NUP210L: variants seen among roughly 807,000 people sequenced by gnomAD.
The protein encoded by NUP210L is nucleoporin 210 like.
A neutral mutation model predicts 208.5 loss-of-function variants in NUP210L; 74 were observed. The observed-to-expected ratio is 0.35, with a 90% CI of 0.29 to 0.43. The LOEUF (loss-of-function observed/expected upper bound fraction) is 0.43, where lower values mean the gene tolerates loss of function less well. NUP210L is among the 20% of genes least tolerant of loss of function. NUP210L has a pLI of 1.00. For missense variants in NUP210L, 1,843 were observed against 2,289.4 expected (o/e 0.81, Z 3.98); for synonymous variants, 780 against 816.9 (o/e 0.95, Z 0.77).
rs747300932 is a variant in NUP210L, at chr1:154,139,839, G to A, written c.680C>T (p.Ala227Val). The change falls in exon 5 of 40, where the codon GCT becomes GTT. Residue 227 changes from alanine (A) to valine (V), a missense_variant. Ala to Val is a moderately conservative substitution (Grantham distance 64). Coordinates refer to ENST00000368559, the Ensembl canonical transcript of NUP210L. Reference sequence around the variant, plus strand: ...TTCATGAATTCGAACTTTTACAACAGCAGCACCAGTTCTAATCCCAGACAC... The same window carrying A: ...TTCATGAATTCGAACTTTTACAACAACAGCACCAGTTCTAATCCCAGACAC... 7 of 1,613,688 alleles carry A rather than the reference G, an allele frequency of 4.3e-6. No individual in the cohort carries two copies. The Admixed American group carries it at 1.0e-4, about 23-fold the overall frequency.
intron 16 of NUP210L, among the ~76,000 whole-genome samples, chr1:154,073,737 C>T (rs1216382740): frequency 6.6e-6 from 1 of 151,592 alleles, no homozygotes; most frequent in Non-Finnish European, 1.5e-5. Context: ...ATCGCTTGAA[C>T]CTGGGAGGTG....
chr1:154,008,538 C>T (rs1399952507), intron 35 of NUP210L, among the ~76,000 whole-genome samples: 1 of 152,108 alleles, frequency 6.6e-6, no homozygotes, highest in East Asian at 1.9e-4. Flanking sequence ...GAAACCCCAT[C>T]TCTATTAAAA....
intron 25 of NUP210L, among the ~76,000 whole-genome samples, chr1:154,049,593 A>G (rs1343982180): frequency 6.6e-6 from 1 of 152,192 alleles, no homozygotes; most frequent in Non-Finnish European, 1.5e-5. Flanking sequence ...TTAGTTACTG[A>G]ACAATTAGAA....
intron 16 of NUP210L, among the ~76,000 whole-genome samples, chr1:154,086,807 C>G (rs1043378422): frequency 4.0e-5 from 6 of 151,142 alleles, no homozygotes; most frequent in Admixed American, 2.6e-4. Flanking sequence ...AAAGTGAGAC[C>G]CTGTGTCTTA....
rs1657419751 is a variant in NUP210L, at chr1:154,117,994, A to G, written c.1465-114T>C. The G allele has an allele frequency of 4.1e-6, 3 of 738,236 alleles. No homozygotes were observed. In the African/African-American group the frequency reaches 5.3e-5, roughly 13 times the overall value. The allele number at this position is 738,236 out of a possible 1,614,324, so 45.7% of individuals were successfully genotyped here. A position where few individuals can be genotyped will look rare whatever the true frequency, so the allele number is the denominator to read the frequency against. ...ACAAAATAGTAACATAATATAATAAATTATTTTTGGACACATTAGAAACTG... is the reference window on the plus strand; with the variant it reads ...ACAAAATAGTAACATAATATAATAAGTTATTTTTGGACACATTAGAAACTG... On this transcript the variant is annotated intron_variant, in intron 11 of 39. Transcript: ENST00000368559.
At chr1:154,141,646 G>A (rs1282286663) in intron 3 of NUP210L, 122 bp from the exon 4 acceptor site, 4 of 642,476 alleles carry the variant, frequency 6.2e-6, no homozygotes, top group Non-Finnish European at 1.1e-5. Context: ...TTAAGAAATA[G>A]AAAGCACTAT....
chr1:154,127,849 C>G (rs1658062990), intron 8 of NUP210L, among the ~76,000 whole-genome samples: 2 of 151,330 alleles, frequency 1.3e-5, no homozygotes. Context: ...GCCACTGTGC[C>G]TGGTCTAAAG....
At chr1:154,001,142 G>C in intron 36 of NUP210L, 82 bp from the exon 37 acceptor site, 1 of 1,059,022 alleles carries the variant, frequency 9.4e-7, no homozygotes, top group Non-Finnish European at 1.4e-6. Flanking sequence ...AACATATACA[G>C]TACAATAATT....
chr1:154,047,784 CTG>C (rs768565297), intron 25 of NUP210L, among the ~76,000 whole-genome samples: 2 of 152,134 alleles, frequency 1.3e-5, no homozygotes, highest in Non-Finnish European at 2.9e-5. Context: ...CTCTATATTT[CTG>C]TGTGTGTGTC....
At chr1:154,096,581 T>C (rs1254104800) in intron 14 of NUP210L, among the ~76,000 whole-genome samples, 5 of 141,622 alleles carry the variant, frequency 3.5e-5, no homozygotes, top group East Asian at 4.3e-4. Flanking sequence ...GCCAACATGG[T>C]GAAATCCCAT....
At chr1:154,110,980 A>T (rs1167344778) in intron 12 of NUP210L, among the ~76,000 whole-genome samples, 1 of 151,594 alleles carries the variant, frequency 6.6e-6, no homozygotes, top group African/African-American at 2.4e-5. Flanking sequence ...ATAAAAAAAT[A>T]CAAAAGATCA....
At chr1:154,010,209 TA>T (rs1299186116) in intron 34 of NUP210L, 88 bp from the exon 35 acceptor site, 164 of 1,263,520 alleles carry the variant, frequency 1.3e-4, no homozygotes, top group Middle Eastern at 1.9e-4. Context: ...TTTTGAAGCA[TA>T]AAAAAAATAA....
intron 31 of NUP210L, among the ~76,000 whole-genome samples, chr1:154,022,675 C>CTTTT (rs375659718): frequency 8.7e-6 from 1 of 115,012 alleles, no homozygotes; most frequent in Non-Finnish European, 1.8e-5. Flanking sequence ...TAAGTCTGGT[C>CTTTT]TTTTTTTTTT....
At chr1:154,065,892 C>CAAA (rs58053478) in intron 17 of NUP210L, among the ~76,000 whole-genome samples, 377 of 61,098 alleles carry the variant, frequency 6.2e-3, no homozygotes, top group African/African-American at 8.5e-3. Flanking sequence ...GACTCTGTCT[C>CAAA]AAAAAAAAAA....
At chr1:154,127,655 A>C (rs1658053458) in intron 8 of NUP210L, among the ~76,000 whole-genome samples, 1 of 142,800 alleles carries the variant, frequency 7.0e-6, no homozygotes, top group Non-Finnish European at 1.5e-5. Flanking sequence ...GGTTCAACTG[A>C]TTCTTGTGCC....
In NUP210L at chr1:154,065,721, G is replaced by A. The variant is rs143285402; in HGVS notation, c.2555-4047C>T. On this transcript the variant is annotated intron_variant, in intron 17 of 39. Transcript: ENST00000368559. ...CATCTTGGGCAACATGGTGAAACTC[G>A]GTCTCTACTAAAATACAAAAAATTA... Among the ~76,000 whole-genome samples the A allele has an allele frequency of 3.4e-3, 508 of 151,600 alleles. 5 individuals carry two copies. The highest frequency in any genetic ancestry group is 0.011 in the African/African-American group (475 of 41,406).
intron 2 of NUP210L, among the ~76,000 whole-genome samples, chr1:154,148,611 A>T (rs1194672719): frequency 1.3e-5 from 2 of 152,238 alleles, no homozygotes; most frequent in Non-Finnish European, 2.9e-5. Context: ...CAAACTAGGT[A>T]AAGGGTATAT....
chr1:154,120,869 C>T (rs1258579323), intron 10 of NUP210L, among the ~76,000 whole-genome samples: 3 of 142,758 alleles, frequency 2.1e-5, no homozygotes, highest in African/African-American at 7.9e-5. Flanking sequence ...GCACAACAGC[C>T]TGGGAGACAG....
intron 35 of NUP210L, 71 bp downstream of exon 35, chr1:154,009,901 C>T (rs1473574377): frequency 3.2e-6 from 4 of 1,246,622 alleles, no homozygotes; most frequent in Non-Finnish European, 4.4e-6. Context: ...AAATGCAATC[C>T]AATAAGAATG....
Sources: gnomAD v4.1 joint callset for allele counts (sites outside exome capture counted in the v4.1 genomes callset) on GRCh38, gnomAD v4.1.1 for gene constraint, MANE v1.5 for transcripts, NCBI Gene and HGNC (gene_info 2026-07-23, HGNC 2026-07-21) for gene names.